HMGXB4: variants seen among roughly 807,000 people sequenced by gnomAD.
HMGXB4 encodes the protein HMG-box containing 4.
A neutral mutation model predicts 63.9 loss-of-function variants in HMGXB4; 27 were observed. That is an observed-to-expected ratio of 0.42 (90% confidence interval 0.31 to 0.58). HMGXB4 has a LOEUF of 0.58. Among genes scored for constraint, HMGXB4 ranks in the 20% least tolerant of loss-of-function variants. The pLI, the probability that HMGXB4 is intolerant of heterozygous loss-of-function variation, is 0.13. For synonymous variants in HMGXB4, 264 were observed against 265.3 expected, an observed-to-expected ratio of 0.99 and a Z score of 0.05; for missense variants, 624 against 700.7, an observed-to-expected ratio of 0.89 and a Z score of 1.24.
At chr22:35,280,537 C>G (rs1007205522) in intron 5 of HMGXB4, among the ~76,000 whole-genome samples, 1 of 152,184 alleles carries the variant, frequency 6.6e-6, no homozygotes, top group African/African-American at 2.4e-5. Flanking sequence ...TCATCCCTTC[C>G]CCGCACTCCT....
Position 35,288,280 on chromosome 22 carries a change from C to G in HMGXB4, c.1511C>G (p.Pro504Arg). 6.2e-7 allele frequency: 1 copy of G among 1,605,916 alleles called. No individual in the cohort carries two copies. Among genetic ancestry groups the G allele is most frequent in the Non-Finnish European group, 8.5e-7 (1 of 1,175,648 alleles). Residue 504 changes from proline to arginine, a missense_variant, in exon 9 of 11, where the codon CCC becomes CGC. Pro to Arg is a moderately radical substitution (Grantham distance 103, BLOSUM62 -2). Coordinates refer to ENST00000216106, the MANE Select transcript of HMGXB4 (RefSeq NM_001003681.3). ...CTGTCACCCCAGAAGAAGTCCCCAC[C>G]CACCACCATGCTGTTACCAGCCTCA... ...GVLSPQKKSP[P>R]TTMLLPASPA...
chr22:35,249,571 G>C, the HMGXB4 span, among the ~76,000 whole-genome samples: 12,501 of 97,130 alleles, frequency 0.13, 3,737 homozygotes, highest in East Asian at 0.16. Context: ...AGGGTGCTGG[G>C]GATAGATCTG....
chr22:35,270,162 C>T (rs1319840714), intron 5 of HMGXB4, among the ~76,000 whole-genome samples: 2 of 152,250 alleles, frequency 1.3e-5, no homozygotes, highest in Non-Finnish European at 2.9e-5. Context: ...AGTTGAGTGG[C>T]GGGCAAGCCA....
chr22:35,254,321 G>T (rs1458302479), upstream of HMGXB4, among the ~76,000 whole-genome samples: 2 of 152,186 alleles, frequency 1.3e-5, no homozygotes, highest in Non-Finnish European at 2.9e-5. Flanking sequence ...CCTCTTTTCT[G>T]TCTTTCCAAG....
At chr22:35,264,109 T>C in intron 4 of HMGXB4, 1 of 1,470,778 alleles carries the variant, frequency 6.8e-7, no homozygotes, top group Non-Finnish European at 9.2e-7. Flanking sequence ...ACCAGGTTCC[T>C]TCTCCCCCCA....
Position 35,293,834 on chromosome 22 carries a change from A to G in HMGXB4, c.*183A>G, listed in dbSNP as rs1335648841. ...ATAGACTGTAACTACTTTGCTTTTA[A>G]TAATTTTATGAAATGGCAAAGGTTT... On this transcript the variant is annotated 3_prime_UTR_variant, in exon 11 of 11. Transcript: ENST00000216106. 1 of 347,286 alleles carries G rather than the reference A, an allele frequency of 2.9e-6. No individual in the cohort carries two copies. The highest frequency in any genetic ancestry group is 4.6e-5 in the Admixed American group (1 of 21,578). The allele number at this position is 347,286 out of a possible 1,614,324, so 21.5% of individuals were successfully genotyped here. A position where few individuals can be genotyped will look rare whatever the true frequency, so the allele number is the denominator to read the frequency against.
chr22:35,289,055 A>G (rs5755688), intron 9 of HMGXB4, among the ~76,000 whole-genome samples: 77,861 of 151,510 alleles, frequency 0.51, 22,814 homozygotes, highest in Non-Finnish European at 0.65. Context: ...CAAGAGAATC[A>G]CTTGAACCTG....
chr22:35,279,431 G>A (rs1031718593), intron 5 of HMGXB4, among the ~76,000 whole-genome samples: 1 of 151,882 alleles, frequency 6.6e-6, no homozygotes, highest in Non-Finnish European at 1.5e-5. Flanking sequence ...GAGCCACTGC[G>A]CCCGGTGTCT....
chr22:35,270,980 C>A (rs1343208104), intron 5 of HMGXB4, among the ~76,000 whole-genome samples: 2 of 152,060 alleles, frequency 1.3e-5, no homozygotes, highest in African/African-American at 4.8e-5. Flanking sequence ...AAGTCAGGGA[C>A]AGGCAGGCGC....
intron 6 of HMGXB4, among the ~76,000 whole-genome samples, chr22:35,285,006 T>G (rs1489367601): frequency 6.6e-6 from 1 of 152,252 alleles, no homozygotes; most frequent in Non-Finnish European, 1.5e-5. Context: ...AAATCCTTCT[T>G]TGGTTCTAAT....
intron 5 of HMGXB4, among the ~76,000 whole-genome samples, chr22:35,266,925 A>G (rs917187152): frequency 1.3e-5 from 2 of 152,194 alleles, no homozygotes; most frequent in African/African-American, 4.8e-5. Context: ...TGGAGGCTAC[A>G]GTGAGCTATA....
chr22:35,288,244 C>T lies in HMGXB4; in HGVS notation c.1475C>T (p.Ser492Phe). The T allele has an allele frequency of 6.4e-7, 1 of 1,569,980 alleles. No homozygotes were observed. Among genetic ancestry groups the T allele is most frequent in the Non-Finnish European group, 8.6e-7 (1 of 1,156,998 alleles). Residue 492 changes from serine (S) to phenylalanine (F), a missense_variant, in exon 9 of 11, where the codon TCT (serine) becomes TTT (phenylalanine). By Grantham distance (155) the Ser-to-Phe change is radical. Coordinates refer to ENST00000216106, the MANE Select transcript of HMGXB4 (RefSeq NM_001003681.3). ...CTCATTGCTCTGTTCTCAGCCTCTTCTGTAGGAGTACTGTCACCCCAGAAG... is the reference window on the plus strand; with the variant it reads ...CTCATTGCTCTGTTCTCAGCCTCTTTTGTAGGAGTACTGTCACCCCAGAAG... ...SEGSMKVKAS[S>F]VGVLSPQKKS... is the part of the protein sequence containing the mutation.
rs765923155 is a variant in HMGXB4, at chr22:35,265,606, A to G, written c.1215+3A>G. On this transcript the variant is annotated splice_donor_region_variant and intron_variant, in intron 5 of 10. Coordinates refer to ENST00000216106, the MANE Select transcript of HMGXB4 (RefSeq NM_001003681.3). The stretch of plus-strand genomic sequence containing the variant: ...AAGAGAGAGAGAGAGGAGAAAAGGT[A>G]AAGCATCTTTTAAGTGTGGTGGGGG... 6.4e-7 allele frequency: 1 copy of G among 1,561,722 alleles called. No individual in the cohort carries two copies. Among genetic ancestry groups the G allele is most frequent in the Admixed American group, 2.0e-5 (1 of 49,766 alleles).
chr22:35,286,479 G>A (rs1025982036), intron 7 of HMGXB4, among the ~76,000 whole-genome samples: 1 of 152,180 alleles, frequency 6.6e-6, no homozygotes, highest in Admixed American at 6.5e-5. Flanking sequence ...AGGTAACCAG[G>A]TTCAAGGTCA....
chr22:35,259,954 C>G (rs955359317), intron 1 of HMGXB4, among the ~76,000 whole-genome samples: 4 of 152,180 alleles, frequency 2.6e-5, no homozygotes, highest in Non-Finnish European at 5.9e-5. Context: ...TTTCTATTCC[C>G]TCTCACAACT....
chr22:35,263,322 G>A (rs1301318194), intron 3 of HMGXB4, 96 bp downstream of exon 3: 13 of 945,254 alleles, frequency 1.4e-5, no homozygotes, highest in Non-Finnish European at 1.7e-5. Flanking sequence ...TTTCTCTCAT[G>A]GCCCAGGCTT....
intron 5 of HMGXB4, among the ~76,000 whole-genome samples, chr22:35,283,347 C>G (rs1025595001): frequency 2.0e-5 from 3 of 152,170 alleles, no homozygotes; most frequent in Non-Finnish European, 1.5e-5. Context: ...GGTAAAGATT[C>G]TCTTAGCACT....
intron 1 of HMGXB4, chr22:35,262,017 G>T (rs1922890919): frequency 2.4e-5 from 5 of 212,618 alleles, no homozygotes; most frequent in African/African-American, 9.3e-5. Context: ...CTGTCTCAGT[G>T]TTGTCAGTCC....
the HMGXB4 span, among the ~76,000 whole-genome samples, chr22:35,247,315 G>A: frequency 3.9e-5 from 6 of 152,174 alleles, no homozygotes; most frequent in African/African-American, 1.4e-4. Context: ...ACCACCAGAT[G>A]TCCGTCCTGG....
Sources: allele counts gnomAD v4.1 joint callset (sites outside exome capture counted in the v4.1 genomes callset), GRCh38; gene constraint gnomAD v4.1.1; transcripts MANE v1.5; gene names NCBI Gene and HGNC (gene_info 2026-07-23, HGNC 2026-07-21).